The following ERBB4 variants were observed in gnomAD, a reference collection of about 807,000 sequenced individuals.
The protein encoded by ERBB4 is erb-b2 receptor tyrosine kinase 4, also known as receptor tyrosine-protein kinase erbB-4.
A neutral mutation model predicts 158.0 loss-of-function variants in ERBB4; 42 were observed. The ratio of observed to expected loss-of-function variants is 0.27; its 90% CI spans 0.21 to 0.34. The LOEUF is 0.34. Among genes scored for constraint, ERBB4 ranks in the 10% least tolerant of loss-of-function variants. ERBB4 has a pLI of 1.00. For synonymous variants in ERBB4, 583 were observed against 558.7 expected (o/e 1.04, Z -0.61); for missense variants, 1,333 against 1,624.1 (o/e 0.82, Z 3.08).
At chr2:211,407,697 T>C (rs2063174422) in intron 25 of ERBB4, among the ~76,000 whole-genome samples, 1 of 152,186 alleles carries the variant, frequency 6.6e-6, no homozygotes, top group African/African-American at 2.4e-5. Flanking sequence ...AGCCATTCAT[T>C]TACAATGTCT....
chr2:212,109,433 T>C (rs1333217133), intron 2 of ERBB4, among the ~76,000 whole-genome samples: 1 of 152,204 alleles, frequency 6.6e-6, no homozygotes, highest in Non-Finnish European at 1.5e-5. Flanking sequence ...AAACAATTAC[T>C]ATGGTTCCCT....
In ERBB4 at chr2:211,711,939, T is replaced by C. The variant is rs2073716229; in HGVS notation, c.1124+111A>G. ...TGCTTTTGTTGGTGAGGAGCATTAA[T>C]GAAAGGTGAAACTCTTCAGCTTCCA... On this transcript the variant is annotated intron_variant, in intron 9 of 27. Coordinates refer to ENST00000342788, the MANE Select transcript of ERBB4 (RefSeq NM_005235.3). 4 of 897,846 alleles carry C rather than the reference T, an allele frequency of 4.5e-6. No individual in the cohort carries two copies. The Middle Eastern group carries it at 9.8e-4, about 220-fold the overall frequency. 55.6% of individuals were successfully genotyped at this position (897,846 alleles called of 1,614,324 possible). A position where few individuals can be genotyped will look rare whatever the true frequency, so the allele number is the denominator to read the frequency against.
chr2:212,479,436 C>A (rs1689573932), intron 1 of ERBB4, among the ~76,000 whole-genome samples: 1 of 152,146 alleles, frequency 6.6e-6, no homozygotes, highest in African/African-American at 2.4e-5. Context: ...AAGAGGACTT[C>A]TTAATTTGCA....
At chr2:212,196,007 CTGGT>C (rs1262357757) in intron 1 of ERBB4, among the ~76,000 whole-genome samples, 6 of 152,054 alleles carry the variant, frequency 3.9e-5, no homozygotes, top group African/African-American at 1.4e-4. Flanking sequence ...ATGTCAACAT[CTGGT>C]TAGACTAACA....
chr2:211,859,081 C>T (rs551341132), intron 3 of ERBB4, among the ~76,000 whole-genome samples: 10 of 152,222 alleles, frequency 6.6e-5, no homozygotes, highest in East Asian at 3.9e-4. Flanking sequence ...TGTGCTTGGC[C>T]GGCAATGTAT....
chr2:212,150,415 T>C (rs559992313), intron 1 of ERBB4, among the ~76,000 whole-genome samples: 2 of 152,286 alleles, frequency 1.3e-5, no homozygotes, highest in African/African-American at 4.8e-5. Context: ...TTTTCCCTAA[T>C]TACATGTACA....
At chr2:211,816,961 C>A (rs572734916) in intron 3 of ERBB4, among the ~76,000 whole-genome samples, 26 of 152,298 alleles carry the variant, frequency 1.7e-4, no homozygotes, top group African/African-American at 6.3e-4. Flanking sequence ...AAAAAAATCC[C>A]AGGGCACCTT....
intron 1 of ERBB4, among the ~76,000 whole-genome samples, chr2:212,347,577 G>A (rs771799318): frequency 3.9e-5 from 6 of 152,086 alleles, no homozygotes; most frequent in African/African-American, 9.7e-5. Context: ...TATTCAAAAT[G>A]CTTGAGACCA....
intron 1 of ERBB4, among the ~76,000 whole-genome samples, chr2:212,396,847 A>T (rs1411150663): frequency 1.3e-5 from 2 of 152,172 alleles, no homozygotes; most frequent in Non-Finnish European, 2.9e-5. Flanking sequence ...GATAAAGTTT[A>T]AGAATTTCTT....
At chr2:211,933,091 G>C (rs957137118) in intron 3 of ERBB4, among the ~76,000 whole-genome samples, 2 of 151,954 alleles carry the variant, frequency 1.3e-5, no homozygotes, top group Non-Finnish European at 2.9e-5. Flanking sequence ...TTAGGTTCTC[G>C]TAATTTTTAA....
intron 1 of ERBB4, among the ~76,000 whole-genome samples, chr2:212,186,824 G>A (rs768885052): frequency 4.2e-4 from 64 of 152,066 alleles, no homozygotes; most frequent in Non-Finnish European, 6.6e-4. Flanking sequence ...GATAAAATAC[G>A]TCAACATGTT....
intron 1 of ERBB4, among the ~76,000 whole-genome samples, chr2:212,411,250 C>T (rs2091489407): frequency 2.0e-5 from 3 of 152,044 alleles, no homozygotes; most frequent in Admixed American, 2.0e-4. Flanking sequence ...TTTTCAGTGC[C>T]ATAACCACGA....
At chr2:211,808,902 G>C (rs977741682) in intron 3 of ERBB4, among the ~76,000 whole-genome samples, 8 of 152,138 alleles carry the variant, frequency 5.3e-5, no homozygotes, top group Admixed American at 5.2e-4. Flanking sequence ...GTGAATGGCA[G>C]TTCACTCATG....
intron 19 of ERBB4, among the ~76,000 whole-genome samples, chr2:211,572,640 G>A (rs889579761): frequency 1.3e-5 from 2 of 152,102 alleles, no homozygotes; most frequent in Non-Finnish European, 2.9e-5. Context: ...CCTTCCCCTG[G>A]TTTCTTCAAG....
chr2:212,335,857 T>C (rs1449745871), intron 1 of ERBB4, among the ~76,000 whole-genome samples: 1 of 152,044 alleles, frequency 6.6e-6, no homozygotes, highest in East Asian at 1.9e-4. Flanking sequence ...TTAATAGGCA[T>C]TTCATGAAAA....
chr2:211,813,738 T>G (rs1220930491), intron 3 of ERBB4, among the ~76,000 whole-genome samples: 1 of 152,170 alleles, frequency 6.6e-6, no homozygotes, highest in Non-Finnish European at 1.5e-5. Flanking sequence ...TAGTTCTCAT[T>G]GCCTTTCAGA....
At chr2:212,453,660 C>A (rs1336096918) in intron 1 of ERBB4, among the ~76,000 whole-genome samples, 1 of 152,128 alleles carries the variant, frequency 6.6e-6, no homozygotes, top group African/African-American at 2.4e-5. Flanking sequence ...ATGATTATTA[C>A]ACCAGGGTCT....
chr2:212,309,618 G>A (rs1413693295), intron 1 of ERBB4, among the ~76,000 whole-genome samples: 1 of 150,618 alleles, frequency 6.6e-6, no homozygotes, highest in Non-Finnish European at 1.5e-5. Context: ...TCTTTAAATA[G>A]TAATTTTAAG....
chr2:212,039,119 C>T (rs191267033), intron 2 of ERBB4, among the ~76,000 whole-genome samples: 5 of 151,962 alleles, frequency 3.3e-5, no homozygotes, highest in Admixed American at 2.0e-4. Context: ...CTTTATATTC[C>T]GGGTGCTATA....
Sources: allele counts gnomAD v4.1 joint callset (sites outside exome capture counted in the v4.1 genomes callset), GRCh38; gene constraint gnomAD v4.1.1; transcripts MANE v1.5; gene names NCBI Gene and HGNC (gene_info 2026-07-23, HGNC 2026-07-21).